EML6: variants seen among roughly 807,000 people sequenced by gnomAD.
The protein encoded by EML6 is echinoderm microtubule-associated protein-like 6.
Under a neutral mutation model 240.1 loss-of-function variants are expected in EML6, and 154 were observed. That is an observed-to-expected ratio of 0.64 (90% CI 0.56 to 0.73). The LOEUF is 0.73. Ranked by LOEUF, EML6 falls within the 30% of genes least tolerant of loss-of-function variation. The probability of loss-of-function intolerance (pLI) is 0.00; values close to 1 mark genes in which losing one functional copy is unlikely to be tolerated. For missense variants in EML6, 2,964 were observed against 2,474.6 expected (o/e 1.20, Z -4.20); for synonymous variants, 1,148 against 899.0 (o/e 1.28, Z -4.95).
chr2:54,773,331 C>T (rs1260596755), intron 2 of EML6, among the ~76,000 whole-genome samples: 1 of 152,256 alleles, frequency 6.6e-6, no homozygotes, highest in Non-Finnish European at 1.5e-5. Flanking sequence ...GACACTAGGA[C>T]AAGTTTCAGA....
chr2:54,922,982 C>T (rs956638475), intron 26 of EML6, among the ~76,000 whole-genome samples: 6 of 129,914 alleles, frequency 4.6e-5, no homozygotes, highest in African/African-American at 1.8e-4. Flanking sequence ...GTTCTTGTTG[C>T]CCAGGCTGGA....
chr2:54,790,127 A>C (rs927899312), intron 2 of EML6, among the ~76,000 whole-genome samples: 4 of 152,226 alleles, frequency 2.6e-5, no homozygotes, highest in African/African-American at 9.6e-5. Context: ...ATTTCAGTTC[A>C]TATATCTGAA....
intron 5 of EML6, among the ~76,000 whole-genome samples, 171 bp downstream of exon 5, chr2:54,820,633 C>A (rs1032656180): frequency 7.9e-5 from 12 of 152,102 alleles, no homozygotes; most frequent in African/African-American, 2.7e-4. Flanking sequence ...GCTGATGGGG[C>A]TCTCTCTTAG....
At chr2:54,911,327 A>G (rs992581331) in intron 25 of EML6, among the ~76,000 whole-genome samples, 3 of 152,208 alleles carry the variant, frequency 2.0e-5, no homozygotes, top group Admixed American at 6.5e-5. Flanking sequence ...TCCTTTTTCC[A>G]TTTGACATGT....
At chr2:54,912,304 A>G (rs1440232866) in intron 25 of EML6, among the ~76,000 whole-genome samples, 2 of 152,120 alleles carry the variant, frequency 1.3e-5, no homozygotes, top group African/African-American at 2.4e-5. Flanking sequence ...TAACTTTTTT[A>G]TATGGAGAAA....
intron 17 of EML6, among the ~76,000 whole-genome samples, 164 bp from the exon 18 acceptor site, chr2:54,890,890 C>T (rs1672431015): frequency 6.6e-6 from 1 of 152,064 alleles, no homozygotes; most frequent in Admixed American, 6.6e-5. Flanking sequence ...AAAGAAAAGC[C>T]AAAGCTCGTT....
chr2:54,841,124 T>C (rs1669426596), intron 7 of EML6, among the ~76,000 whole-genome samples: 1 of 152,236 alleles, frequency 6.6e-6, no homozygotes, highest in African/African-American at 2.4e-5. Context: ...AACAGGATCA[T>C]GGGCGCAAGG....
At chr2:54,884,092 A>T (rs1210832365) in intron 17 of EML6, among the ~76,000 whole-genome samples, 1 of 152,160 alleles carries the variant, frequency 6.6e-6, no homozygotes, top group African/African-American at 2.4e-5. Context: ...GACACTGTCT[A>T]CCTGGAGGTA....
chr2:54,819,654 T>C (rs1397725572), intron 4 of EML6, among the ~76,000 whole-genome samples: 3 of 151,586 alleles, frequency 2.0e-5, no homozygotes, highest in Non-Finnish European at 2.9e-5. Context: ...CACGCGCCTG[T>C]AGTCCCAGCT....
At chr2:54,931,241 G>C (rs940348545) in intron 28 of EML6, among the ~76,000 whole-genome samples, 1 of 152,210 alleles carries the variant, frequency 6.6e-6, no homozygotes, top group Non-Finnish European at 1.5e-5. Context: ...ACAGGCGTGA[G>C]CCACCGCGCC....
intron 1 of EML6, 124 bp downstream of exon 1, chr2:54,723,901 G>C (rs1219961404): frequency 6.6e-6 from 1 of 151,410 alleles, no homozygotes; most frequent in Non-Finnish European, 1.5e-5. Flanking sequence ...GGCATCCCTC[G>C]CGCAGCGCGC....
chr2:54,873,968 A>G (rs1671382788), intron 16 of EML6, among the ~76,000 whole-genome samples: 1 of 152,024 alleles, frequency 6.6e-6, no homozygotes. Flanking sequence ...CTGACTGCAA[A>G]TGAGAATGTG....
At chr2:54,741,160 C>T (rs998728181) in intron 2 of EML6, among the ~76,000 whole-genome samples, 3 of 152,102 alleles carry the variant, frequency 2.0e-5, no homozygotes, top group Non-Finnish European at 4.4e-5. Context: ...GTCCAGAGAG[C>T]CCCAAGTGCA....
chr2:54,777,350 C>T (rs979356644), intron 2 of EML6, among the ~76,000 whole-genome samples: 2 of 152,150 alleles, frequency 1.3e-5, no homozygotes, highest in Admixed American at 1.3e-4. Flanking sequence ...TTTAGTTGAG[C>T]GTCCTGATGG....
intron 26 of EML6, among the ~76,000 whole-genome samples, chr2:54,925,997 A>G (rs1674522539): frequency 6.6e-6 from 1 of 152,196 alleles, no homozygotes; most frequent in South Asian, 2.1e-4. Context: ...AATTTTATAG[A>G]CAGGGAAACT....
intron 7 of EML6, among the ~76,000 whole-genome samples, chr2:54,832,283 C>A (rs1450320458): frequency 2.6e-5 from 4 of 152,216 alleles, no homozygotes; most frequent in Non-Finnish European, 5.9e-5. Flanking sequence ...TGCTCTGAAT[C>A]CCTCTCTAAG....
At chr2:54,733,330 T>C (rs1393668502) in intron 2 of EML6, among the ~76,000 whole-genome samples, 1 of 152,216 alleles carries the variant, frequency 6.6e-6, no homozygotes, top group African/African-American at 2.4e-5. Flanking sequence ...TACGAGTTGA[T>C]TTTATGGATA....
intron 2 of EML6, among the ~76,000 whole-genome samples, chr2:54,807,180 C>T (rs1418010876): frequency 1.3e-5 from 2 of 151,854 alleles, no homozygotes; most frequent in Non-Finnish European, 2.9e-5. Flanking sequence ...CATGACTTGA[C>T]AAAATCAAAT....
At chr2:54,908,929 G>C (rs1425255691) in intron 24 of EML6, among the ~76,000 whole-genome samples, 3 of 152,160 alleles carry the variant, frequency 2.0e-5, no homozygotes, top group African/African-American at 7.2e-5. Flanking sequence ...CTAGATAGGG[G>C]ACCCTACAAG....
Sources: allele counts gnomAD v4.1 joint callset (sites outside exome capture counted in the v4.1 genomes callset), GRCh38; gene constraint gnomAD v4.1.1; transcripts MANE v1.5; gene names NCBI Gene and HGNC (gene_info 2026-07-23, HGNC 2026-07-21).